Variants in CPB2 observed in about 807,000 individuals in gnomAD.
CPB2 encodes carboxypeptidase B2.
In CPB2, 54 loss-of-function variants were observed where a neutral mutation model predicts 57.0. The observed-to-expected ratio is 0.95, with a 90% CI of 0.76 to 1.19. The LOEUF is 1.19. Ranked by LOEUF, CPB2 falls within the 50% of genes most tolerant of loss-of-function variation. The pLI, the probability that CPB2 is intolerant of heterozygous loss-of-function variation, is 0.00. For missense variants in CPB2, 426 were observed against 512.0 expected, an observed-to-expected ratio of 0.83 and a Z score of 1.62; for synonymous variants, 189 against 178.1, an observed-to-expected ratio of 1.06 and a Z score of -0.49.
At chr13:46,059,930 T>A (rs1462067912) in intron 8 of CPB2, among the ~76,000 whole-genome samples, 1 of 152,220 alleles carries the variant, frequency 6.6e-6, no homozygotes, top group Non-Finnish European at 1.5e-5. Flanking sequence ...TTTTAACCAA[T>A]AAGGTGATTG....
chr13:46,097,431 T>C lies in CPB2; in HGVS notation c.74+7505A>G, dbSNP rs1449093290. 2.0e-5 allele frequency: 3 copies of C among 152,338 alleles called. No homozygotes were observed. The East Asian group carries it at 5.8e-4, about 29-fold the overall frequency. 9.4% of individuals were successfully genotyped at this position (152,338 alleles called of 1,614,324 possible). Reference sequence around the variant, plus strand: ...TGACTACATCTGTCCTCTTCCACTCTGGGTATGGGTTTATCTCGCCTGCCT... The same window carrying C: ...TGACTACATCTGTCCTCTTCCACTCCGGGTATGGGTTTATCTCGCCTGCCT... On this transcript the variant is annotated intron_variant, in intron 1 of 10. Coordinates refer to ENST00000181383, the MANE Select transcript of CPB2 (RefSeq NM_001872.5).
At chr13:46,064,770 C>A (rs1566400209) in intron 7 of CPB2, 29 bp from the exon 8 acceptor site, 1 of 1,588,682 alleles carries the variant, frequency 6.3e-7, no homozygotes, top group South Asian at 1.1e-5. Flanking sequence ...AACAGACAAC[C>A]TGGGTAGCCA....
At chr13:46,084,655 T>C (rs1019414251) in intron 2 of CPB2, among the ~76,000 whole-genome samples, 3 of 152,094 alleles carry the variant, frequency 2.0e-5, no homozygotes, top group Non-Finnish European at 4.4e-5. Context: ...TAAAATTGCA[T>C]GTGTACATCA....
At chr13:46,083,321 A>G (rs978330630) in intron 3 of CPB2, among the ~76,000 whole-genome samples, 4 of 152,140 alleles carry the variant, frequency 2.6e-5, no homozygotes, top group African/African-American at 9.7e-5. Context: ...CATCTATATA[A>G]TGGGGTTGCA....
chr13:46,095,408 C>T (rs2045351086), intron 1 of CPB2, among the ~76,000 whole-genome samples: 1 of 152,076 alleles, frequency 6.6e-6, no homozygotes. Flanking sequence ...TGATAGATCC[C>T]ATCAAATCCA....
chr13:46,077,268 T>C (rs2045036647), intron 5 of CPB2, among the ~76,000 whole-genome samples: 1 of 152,096 alleles, frequency 6.6e-6, no homozygotes, highest in Non-Finnish European at 1.5e-5. Flanking sequence ...GAAAGGAATC[T>C]GAACAGACAT....
intron 4 of CPB2, among the ~76,000 whole-genome samples, chr13:46,079,554 A>G (rs989959012): frequency 5.4e-5 from 7 of 130,134 alleles, no homozygotes; most frequent in African/African-American, 2.2e-4. Context: ...AAAAAAAAAA[A>G]AGAAAAGAAA....
intron 6 of CPB2, among the ~76,000 whole-genome samples, chr13:46,068,341 C>T (rs779100530): frequency 2.0e-5 from 3 of 152,020 alleles, no homozygotes; most frequent in Non-Finnish European, 2.9e-5. Flanking sequence ...TCCCTTTAAA[C>T]GTTTAAAATA....
At chr13:46,076,243 A>C (rs1214483118) in intron 5 of CPB2, among the ~76,000 whole-genome samples, 1 of 152,220 alleles carries the variant, frequency 6.6e-6, no homozygotes, top group East Asian at 1.9e-4. Context: ...TATATTTAGA[A>C]AAACCTAGCC....
chr13:46,093,611 A>G (rs2045325170), intron 1 of CPB2, among the ~76,000 whole-genome samples: 1 of 144,898 alleles, frequency 6.9e-6, no homozygotes, highest in African/African-American at 2.6e-5. Context: ...GATATGGAGA[A>G]CTTTATGAAA....
Position 46,064,742 on chromosome 13 carries a change from C to G in CPB2, c.703-1G>C, listed in dbSNP as rs1406707990. ...AACGGTTCTTTCTCCACATTCGATT[C>G]TACATAAACAAAATACAAACAGACA... On this transcript the variant is annotated splice_acceptor_variant, in intron 7 of 10. Transcript: ENST00000181383. LOFTEE classifies it high-confidence loss of function. The G allele has an allele frequency of 1.2e-6, 2 of 1,613,190 alleles. No individual in the cohort carries two copies. The highest frequency in any genetic ancestry group is 1.3e-5 in the African/African-American group (1 of 74,896).
At chr13:46,070,011 C>T (rs918743463) in intron 6 of CPB2, among the ~76,000 whole-genome samples, 1 of 152,176 alleles carries the variant, frequency 6.6e-6, no homozygotes, top group African/African-American at 2.4e-5. Context: ...TCCTGTCCTA[C>T]TAGAGTTGGT....
At chr13:46,084,156 C>A (rs2045162226) in intron 3 of CPB2, 63 bp downstream of exon 3, 1 of 1,581,474 alleles carries the variant, frequency 6.3e-7, no homozygotes, top group Non-Finnish European at 8.6e-7. Flanking sequence ...TTATACCATA[C>A]CCTAGTCAAG....
At chr13:46,073,366 A>G (rs1031300948) in intron 6 of CPB2, 5 of 393,794 alleles carry the variant, frequency 1.3e-5, no homozygotes, top group African/African-American at 6.6e-5. Context: ...TTTGTCTTAT[A>G]TATGGCTTTT....
chr13:46,064,856 AC>A lies in CPB2; in HGVS notation c.703-116del, dbSNP rs1441872157. The A allele has an allele frequency of 2.9e-5, 21 of 728,872 alleles. No homozygotes were observed. In the East Asian group the frequency reaches 4.9e-4, roughly 17 times the overall value. 45.2% of individuals were successfully genotyped at this position (728,872 alleles called of 1,614,324 possible). A position where few individuals can be genotyped will look rare whatever the true frequency, so the allele number is the denominator to read the frequency against. On this transcript the variant is annotated intron_variant, in intron 7 of 10. Transcript: ENST00000181383. ...TTGCCTTTCTCTCCTTCAATCCCAT[AC>A]CTTGCATGGCTTCATCACATCACTG...
At chr13:46,101,715 CAA>C (rs3837565) in intron 1 of CPB2, among the ~76,000 whole-genome samples, 1 of 151,844 alleles carries the variant, frequency 6.6e-6, no homozygotes, top group Non-Finnish European at 1.5e-5. Flanking sequence ...GGTCACTTTA[CAA>C]AAAAAAGTAA....
At chr13:46,094,057 G>A (rs1320900099) in intron 1 of CPB2, among the ~76,000 whole-genome samples, 2 of 152,124 alleles carry the variant, frequency 1.3e-5, no homozygotes, top group Non-Finnish European at 2.9e-5. Flanking sequence ...TCCTTTGACT[G>A]TGAAAAAGCC....
Position 46,067,325 on chromosome 13 carries a change from A to G in CPB2, c.684T>C (p.Tyr228=). Residue 228 remains tyrosine (Y), a synonymous_variant, in exon 7 of 11, where the codon TAT becomes TAC. Transcript: ENST00000181383. The stretch of plus-strand genomic sequence containing the variant: ...CTCCTACCTTTTTCCATGAGTAGTC[A>G]TAACCATCCACATTAACCACTGGCA... The part of the protein sequence containing the change: ...YVMPVVNVDG[Y]DYSWKKNRMW... 6.4e-7 allele frequency: 1 copy of G among 1,553,248 alleles called. No individual in the cohort carries two copies. Among genetic ancestry groups the G allele is most frequent in the Non-Finnish European group, 8.9e-7 (1 of 1,125,126 alleles).
chr13:46,103,071 C>T (rs1032748537), intron 1 of CPB2, among the ~76,000 whole-genome samples: 1 of 152,110 alleles, frequency 6.6e-6, no homozygotes, highest in Admixed American at 6.5e-5. Context: ...GCTACTTCTT[C>T]TATTTGCGTT....
Sources: allele counts gnomAD v4.1 joint callset (sites outside exome capture counted in the v4.1 genomes callset), GRCh38; gene constraint gnomAD v4.1.1; transcripts MANE v1.5; gene names NCBI Gene and HGNC (gene_info 2026-07-23, HGNC 2026-07-21).